KIAA0825: variants seen among roughly 807,000 people sequenced by gnomAD.
KIAA0825 encodes uncharacterized protein KIAA0825.
KIAA0825 carries 119 observed loss-of-function variants against 147.6 expected under a neutral mutation model. That is an observed-to-expected ratio of 0.81 (90% CI 0.69 to 0.94). The LOEUF is 0.94. Among genes scored for constraint, KIAA0825 ranks in the 40% least tolerant of loss-of-function variants. KIAA0825 has a pLI of 0.00. For missense variants in KIAA0825, 1,381 were observed against 1,472.7 expected, an observed-to-expected ratio of 0.94 and a Z score of 1.02; for synonymous variants, 470 against 518.1, an observed-to-expected ratio of 0.91 and a Z score of 1.26.
intron 20 of KIAA0825, among the ~76,000 whole-genome samples, chr5:94,163,143 A>C (rs1349504517): frequency 6.6e-6 from 1 of 152,154 alleles, no homozygotes; most frequent in Non-Finnish European, 1.5e-5. Flanking sequence ...CCTTTTTAAA[A>C]ATGAGATAGT....
At chr5:94,179,954 A>C (rs1324484613) in intron 20 of KIAA0825, among the ~76,000 whole-genome samples, 1 of 152,096 alleles carries the variant, frequency 6.6e-6, no homozygotes, top group Non-Finnish European at 1.5e-5. Flanking sequence ...GGAAATAGAA[A>C]TCATCATTAA....
chr5:94,201,756 C>T (rs963926870), intron 20 of KIAA0825, among the ~76,000 whole-genome samples: 1 of 152,010 alleles, frequency 6.6e-6, no homozygotes, highest in Non-Finnish European at 1.5e-5. Flanking sequence ...TTATTCAGAA[C>T]CATTGTGATC....
intron 20 of KIAA0825, among the ~76,000 whole-genome samples, chr5:94,316,796 AC>A (rs1779706297): frequency 6.6e-6 from 1 of 151,812 alleles, no homozygotes; most frequent in African/African-American, 2.4e-5. Flanking sequence ...TTTTTTAATT[AC>A]AAAGGTAATT....
intron 20 of KIAA0825, among the ~76,000 whole-genome samples, chr5:94,369,371 T>G (rs1230063137): frequency 6.6e-6 from 1 of 152,164 alleles, no homozygotes; most frequent in Non-Finnish European, 1.5e-5. Flanking sequence ...AGAATGTGAA[T>G]GCATTCACCT....
chr5:94,358,907 T>C (rs1197126689), intron 20 of KIAA0825, among the ~76,000 whole-genome samples: 1 of 152,228 alleles, frequency 6.6e-6, no homozygotes, highest in Non-Finnish European at 1.5e-5. Flanking sequence ...TTCTTCATTA[T>C]CATCACAATC....
At chr5:94,602,779 T>C (rs1475736290) in intron 1 of KIAA0825, among the ~76,000 whole-genome samples, 4 of 152,076 alleles carry the variant, frequency 2.6e-5, no homozygotes, top group Non-Finnish European at 4.4e-5. Flanking sequence ...CCTGAGGAAC[T>C]GTGAGTCAAT....
chr5:94,244,583 C>G (rs1315288594), intron 20 of KIAA0825, among the ~76,000 whole-genome samples: 1 of 152,156 alleles, frequency 6.6e-6, no homozygotes, highest in African/African-American at 2.4e-5. Flanking sequence ...GCAATCCTCC[C>G]ATCTCAGCCT....
chr5:94,477,014 A>C (rs17083735), intron 7 of KIAA0825, 97 bp downstream of exon 7: 147,265 of 859,146 alleles, frequency 0.17, 14,604 homozygotes, highest in African/African-American at 0.35. Flanking sequence ...TTTTGTAGCA[A>C]AGGGTAAAAC....
chr5:94,403,097 C>G (rs1037781807), intron 16 of KIAA0825, among the ~76,000 whole-genome samples: 4 of 151,994 alleles, frequency 2.6e-5, no homozygotes, highest in African/African-American at 9.7e-5. Context: ...CATGTACTTA[C>G]CAAACTGGGT....
chr5:94,271,885 T>C (rs1374597504), intron 20 of KIAA0825, among the ~76,000 whole-genome samples: 4 of 152,154 alleles, frequency 2.6e-5, no homozygotes, highest in Non-Finnish European at 5.9e-5. Context: ...TGCAGCATTA[T>C]TCACAATGGC....
intron 6 of KIAA0825, among the ~76,000 whole-genome samples, chr5:94,479,054 T>C (rs912177476): frequency 1.3e-5 from 2 of 152,192 alleles, no homozygotes; most frequent in Non-Finnish European, 2.9e-5. Context: ...TTGCAATATA[T>C]GGTATATTTG....
At chr5:94,205,268 C>CATATATATATATATATATATATATATAT (rs5869623) in intron 20 of KIAA0825, among the ~76,000 whole-genome samples, 9 of 90,292 alleles carry the variant, frequency 1.0e-4, no homozygotes, top group East Asian at 2.9e-4. Context: ...ACTATTTAAT[C>CATATATATATATATATATATATATATAT]ATATATATAT....
At chr5:94,428,379 G>A (rs1383129591) in intron 14 of KIAA0825, among the ~76,000 whole-genome samples, 1 of 151,994 alleles carries the variant, frequency 6.6e-6, no homozygotes, top group Non-Finnish European at 1.5e-5. Context: ...TCTGGGAACA[G>A]GTATCTTTAT....
At chr5:94,154,532 A>G (rs1233854045) in intron 20 of KIAA0825, among the ~76,000 whole-genome samples, 2 of 152,200 alleles carry the variant, frequency 1.3e-5, no homozygotes, top group African/African-American at 4.8e-5. Context: ...GAGGCTTGCC[A>G]GGAAGCCTTT....
chr5:94,173,717 T>C (rs530961861), intron 20 of KIAA0825, among the ~76,000 whole-genome samples: 32 of 152,286 alleles, frequency 2.1e-4, no homozygotes, highest in African/African-American at 7.7e-4. Flanking sequence ...GATGGGGGCA[T>C]GGCAAGGTTT....
chr5:94,364,081 G>A (rs1374061852), intron 20 of KIAA0825, among the ~76,000 whole-genome samples: 2 of 151,892 alleles, frequency 1.3e-5, no homozygotes, highest in South Asian at 4.2e-4. Context: ...TTGCTCTCCA[G>A]GAGCTATCAG....
chr5:94,530,425 C>T (rs1770557527), intron 3 of KIAA0825, among the ~76,000 whole-genome samples: 1 of 152,068 alleles, frequency 6.6e-6, no homozygotes, highest in Admixed American at 6.5e-5. Context: ...GCTAGGACTA[C>T]AGGCATGTGC....
chr5:94,276,112 C>T (rs1484214163), intron 20 of KIAA0825, among the ~76,000 whole-genome samples: 2 of 152,064 alleles, frequency 1.3e-5, no homozygotes, highest in African/African-American at 2.4e-5. Flanking sequence ...GGAAGCACAC[C>T]AGGAAAAGTG....
At chr5:94,283,413 A>G (rs1000270030) in intron 20 of KIAA0825, among the ~76,000 whole-genome samples, 15 of 152,142 alleles carry the variant, frequency 9.9e-5, no homozygotes, top group African/African-American at 3.6e-4. Context: ...TCTCATGTTA[A>G]ATGATCCATA....
Sources: gnomAD v4.1 joint callset for allele counts (sites outside exome capture counted in the v4.1 genomes callset) on GRCh38, gnomAD v4.1.1 for gene constraint, MANE v1.5 for transcripts, NCBI Gene and HGNC (gene_info 2026-07-23, HGNC 2026-07-21) for gene names.